Variants in WWC1 observed in about 807,000 individuals in gnomAD.
The protein encoded by WWC1 is WW and C2 domain containing 1.
A neutral mutation model predicts 138.4 loss-of-function variants in WWC1; 55 were observed. The observed-to-expected ratio is 0.40, with a 90% CI of 0.32 to 0.50. The LOEUF is 0.50. WWC1 is among the 20% of genes least tolerant of loss of function. The pLI is 0.72. For missense variants in WWC1, 1,226 were observed against 1,420.4 expected, an observed-to-expected ratio of 0.86 and a Z score of 2.20; for synonymous variants, 524 against 564.9, an observed-to-expected ratio of 0.93 and a Z score of 1.03.
At chr5:168,405,021 A>G (rs768076925) in intron 5 of WWC1, among the ~76,000 whole-genome samples, 4 of 152,082 alleles carry the variant, frequency 2.6e-5, no homozygotes, top group Non-Finnish European at 5.9e-5. Context: ...GCTCATCACA[A>G]GATTGCCCAT....
intron 6 of WWC1, among the ~76,000 whole-genome samples, chr5:168,407,251 G>T (rs1408920768): frequency 6.6e-6 from 1 of 152,214 alleles, no homozygotes; most frequent in Non-Finnish European, 1.5e-5. Context: ...TGTGCCAGGT[G>T]ATTATGCCAA....
intron 2 of WWC1, among the ~76,000 whole-genome samples, chr5:168,372,312 C>G (rs904902447): frequency 6.6e-6 from 1 of 152,154 alleles, no homozygotes; most frequent in East Asian, 1.9e-4. Flanking sequence ...TGAGCACCCT[C>G]TTGGCCAAGA....
At chr5:168,309,688 C>A (rs1166968943) in intron 1 of WWC1, among the ~76,000 whole-genome samples, 1 of 152,096 alleles carries the variant, frequency 6.6e-6, no homozygotes, top group Non-Finnish European at 1.5e-5. Context: ...AGAGACCTCT[C>A]CCTCTGTCTT....
At chr5:168,352,708 A>G (rs1050202263) in intron 1 of WWC1, among the ~76,000 whole-genome samples, 1 of 151,518 alleles carries the variant, frequency 6.6e-6, no homozygotes, top group African/African-American at 2.4e-5. Context: ...CTTAGCCTCC[A>G]AAGTAGTTGG....
rs1781301693 is a variant in WWC1, at chr5:168,423,701, G to A, written c.1443G>A (p.Val481=). 3.1e-6 allele frequency: 5 copies of A among 1,614,182 alleles called. No homozygotes were observed. Among genetic ancestry groups the A allele is most frequent in the Non-Finnish European group, 2.5e-6 (3 of 1,180,032 alleles). ...EQLDSELQSK[V]EFLLLEGATG... ...TGGACTCAGAGCTGCAGAGCAAGGTGGAGTTCCTGCTCCTGGAGGGGGCCA... is the reference window on the plus strand; with the variant it reads ...TGGACTCAGAGCTGCAGAGCAAGGTAGAGTTCCTGCTCCTGGAGGGGGCCA... Residue 481 remains valine, a synonymous_variant, in exon 11 of 23, where the codon GTG becomes GTA. Transcript: ENST00000265293.
At chr5:168,377,851 C>T (rs574945791) in intron 2 of WWC1, among the ~76,000 whole-genome samples, 5 of 152,168 alleles carry the variant, frequency 3.3e-5, no homozygotes, top group Admixed American at 6.5e-5. Flanking sequence ...ATTAGTTCAG[C>T]CACTGTGGAA....
At chr5:168,401,206 A>C (rs866666759) in intron 5 of WWC1, among the ~76,000 whole-genome samples, 1 of 152,154 alleles carries the variant, frequency 6.6e-6, no homozygotes, top group African/African-American at 2.4e-5. Context: ...CATGTAACAG[A>C]CTCATTCATT....
chr5:168,448,616 A>ATTTT (rs756135846), intron 17 of WWC1, among the ~76,000 whole-genome samples: 11,777 of 117,226 alleles, frequency 0.1, 790 homozygotes, highest in Non-Finnish European at 0.15. Flanking sequence ...CTCAAATAAG[A>ATTTT]TTTTTTTTTT....
chr5:168,444,525 C>T lies in WWC1; in HGVS notation c.2465C>T (p.Ala822Val), dbSNP rs1755063650. The T allele has an allele frequency of 6.2e-7, 1 of 1,600,130 alleles. No individual in the cohort carries two copies. Among genetic ancestry groups the T allele is most frequent in the South Asian group, 1.1e-5 (1 of 88,736 alleles). ...DAVSALLEQT[A>V]VELEKRQEGR... ...GTGTCTGCTCTGTTGGAACAGACAG[C>T]AGTGGAGCTGGAGAAGAGGCAGGAG... is the stretch of plus-strand genomic sequence containing the variant. Residue 822 changes from alanine to valine, a missense_variant, in exon 17 of 23, where the codon GCA becomes GTA. Physicochemically the swap from Ala to Val is moderately conservative, Grantham distance 64 (BLOSUM62 0). This residue lies in a region of WWC1 where 1,016 missense variants were observed against 1,153.9 expected (regional missense o/e 0.88). Transcript: ENST00000265293.
At chr5:168,366,111 T>TC (rs1286191387) in intron 1 of WWC1, among the ~76,000 whole-genome samples, 1 of 152,160 alleles carries the variant, frequency 6.6e-6, no homozygotes, top group Non-Finnish European at 1.5e-5. Flanking sequence ...CACCCACAGT[T>TC]CCTGGGGGAC....
intron 22 of WWC1, among the ~76,000 whole-genome samples, 153 bp downstream of exon 22, chr5:168,468,117 G>A (rs562929649): frequency 2.6e-5 from 4 of 152,260 alleles, no homozygotes; most frequent in Admixed American, 6.5e-5. Flanking sequence ...CATCCCTGGC[G>A]ATCCATGAGC....
rs1769183023 is a variant in WWC1, at chr5:168,292,822, G to C, written c.119+551G>C. Among the ~76,000 whole-genome samples the C allele has an allele frequency of 6.6e-6, 1 of 152,138 alleles. No homozygotes were observed. The highest frequency in any genetic ancestry group is 1.5e-5 in the Non-Finnish European group (1 of 68,026). On this transcript the variant is annotated intron_variant, in intron 1 of 22. Transcript: ENST00000265293. This position sits in a 1 kb window ranked among gnomAD's most constrained non-coding sequence, Gnocchi z 4.4. ...TTTGACAGGTGCCTTGGAAGCTGCT[G>C]AGAACAGCACAGGGGCAGCCAGGGG...
intron 2 of WWC1, among the ~76,000 whole-genome samples, chr5:168,382,376 T>C (rs1777704092): frequency 2.0e-5 from 3 of 152,236 alleles, no homozygotes; most frequent in Admixed American, 2.0e-4. Flanking sequence ...GGCAATGGGA[T>C]TGGAGAGATG....
rs551212843 is a variant in WWC1 at position 168,303,375 on chromosome 5, TAGTTTGAGCCCAGG to T, written c.119+11113_119+11126del. Reference sequence around the variant, plus strand: ...ACTTTGGGAGTCTGATACAGGAGGATAGTTTGAGCCCAGGAGTTTGAGACCAGCCTGGACAAGAA... The same window carrying T: ...ACTTTGGGAGTCTGATACAGGAGGATAGTTTGAGACCAGCCTGGACAAGAA... On this transcript the variant is annotated intron_variant, in intron 1 of 22. Coordinates refer to ENST00000265293, the MANE Select transcript of WWC1 (RefSeq NM_015238.3). Among the ~76,000 whole-genome samples the T allele has an allele frequency of 1.1e-4, 16 of 152,048 alleles. No homozygotes were observed. In the South Asian group the frequency reaches 3.3e-3, roughly 32 times the overall value.
intron 1 of WWC1, among the ~76,000 whole-genome samples, chr5:168,353,143 A>G (rs1775119185): frequency 6.6e-6 from 1 of 151,946 alleles, no homozygotes; most frequent in Non-Finnish European, 1.5e-5. Flanking sequence ...CCCACTCTGA[A>G]CCCCTTTTTG....
Position 168,409,940 on chromosome 5 carries a change from A to C in WWC1, c.886A>C (p.Asn296His). ...CCTCCAGTTCGGCATCAACAGCAAC[A>C]ATCAGTTGGCAGAGAAGGTCAGATT... ...ISGSFGINSN[N>H]QLAEKVRLRL... The change falls in exon 8 of 23, where the codon AAT (asparagine) becomes CAT (histidine). Residue 296 changes from asparagine to histidine, a missense_variant. Asn to His is a moderately conservative substitution (Grantham distance 68, BLOSUM62 1). Around this residue, in one of 3 missense-constraint regions of WWC1, gnomAD observed 1,016 missense variants for 1,153.9 expected, o/e 0.88. Coordinates refer to ENST00000265293, the MANE Select transcript of WWC1 (RefSeq NM_015238.3). 4.3e-6 allele frequency: 7 copies of C among 1,613,990 alleles called. No homozygotes were observed. Among genetic ancestry groups the C allele is most frequent in the Non-Finnish European group, 4.2e-6 (5 of 1,179,894 alleles).
At chr5:168,432,907 T>C (rs1264457675) in intron 15 of WWC1, among the ~76,000 whole-genome samples, 1 of 152,250 alleles carries the variant, frequency 6.6e-6, no homozygotes, top group East Asian at 1.9e-4. Context: ...CACTGCCTTC[T>C]TGGAGGGCTC....
At chr5:168,307,667 C>T (rs1331300970) in intron 1 of WWC1, among the ~76,000 whole-genome samples, 2 of 146,282 alleles carry the variant, frequency 1.4e-5, no homozygotes, top group Non-Finnish European at 3.0e-5. Flanking sequence ...TGCAGTGGTG[C>T]GATCTTGGCT....
At chr5:168,312,176 CATT>C (rs1459077032) in intron 1 of WWC1, among the ~76,000 whole-genome samples, 1 of 151,464 alleles carries the variant, frequency 6.6e-6, no homozygotes, top group Non-Finnish European at 1.5e-5. Flanking sequence ...GAGATTGCAC[CATT>C]ACACTCTAGC....
Sources: gnomAD v4.1 joint callset for allele counts (sites outside exome capture counted in the v4.1 genomes callset) on GRCh38, gnomAD v4.1.1 for gene constraint, gnomAD v4.1.1 regional missense constraint, Gnocchi (gnomAD v3.1) non-coding constraint, MANE v1.5 for transcripts, NCBI Gene and HGNC (gene_info 2026-07-23, HGNC 2026-07-21) for gene names.